The following GOLGA4 variants were observed in gnomAD, a reference collection of about 807,000 sequenced individuals.
GOLGA4 encodes golgin subfamily A member 4.
Under a neutral mutation model 265.9 loss-of-function variants are expected in GOLGA4, and 169 were observed. That is an observed-to-expected ratio of 0.64 (90% CI 0.56 to 0.72). The LOEUF is 0.72. Ranked by LOEUF, GOLGA4 falls within the 30% of genes least tolerant of loss-of-function variation. GOLGA4 has a pLI of 0.00. For synonymous variants in GOLGA4, 923 were observed against 855.8 expected, an observed-to-expected ratio of 1.08 and a Z score of -1.37; for missense variants, 2,482 against 2,483.4, an observed-to-expected ratio of 1.00 and a Z score of 0.01.
intron 3 of GOLGA4, among the ~76,000 whole-genome samples, chr3:37,283,486 T>C (rs1457786243): frequency 6.6e-6 from 1 of 152,232 alleles, no homozygotes; most frequent in African/African-American, 2.4e-5. Flanking sequence ...AAGTAGTATT[T>C]ACGTATGCTA....
At chr3:37,353,543 A>G (rs958167674) in intron 21 of GOLGA4, among the ~76,000 whole-genome samples, 4 of 151,942 alleles carry the variant, frequency 2.6e-5, no homozygotes, top group Admixed American at 6.6e-5. Flanking sequence ...TATGTATGTT[A>G]TTGTTGTTGT....
intron 21 of GOLGA4, among the ~76,000 whole-genome samples, chr3:37,349,471 G>A (rs1278314859): frequency 6.6e-6 from 1 of 152,140 alleles, no homozygotes; most frequent in Non-Finnish European, 1.5e-5. Context: ...GTTTCAGGCA[G>A]GAAACATAGT....
chr3:37,354,647 G>GCATGTT (rs2097085358), intron 21 of GOLGA4, among the ~76,000 whole-genome samples: 1 of 152,066 alleles, frequency 6.6e-6, no homozygotes, highest in East Asian at 1.9e-4. Flanking sequence ...TACCTACTGA[G>GCATGTT]CATGTTCATG....
At chr3:37,352,986 T>C (rs1425797453) in intron 21 of GOLGA4, among the ~76,000 whole-genome samples, 1 of 152,106 alleles carries the variant, frequency 6.6e-6, no homozygotes, top group African/African-American at 2.4e-5. Context: ...ACTTGCATAC[T>C]TACAGACCAT....
At chr3:37,272,555 A>T (rs184455024) in intron 2 of GOLGA4, among the ~76,000 whole-genome samples, 151 of 152,316 alleles carry the variant, frequency 9.9e-4, no homozygotes, top group Admixed American at 2.3e-3. Context: ...AGGATTAAAA[A>T]ATTTTAGCCA....
chr3:37,309,279 G>T (rs939741839), intron 10 of GOLGA4, among the ~76,000 whole-genome samples: 7 of 150,482 alleles, frequency 4.7e-5, no homozygotes, highest in Non-Finnish European at 8.9e-5. Context: ...TTATAGGCCG[G>T]GCGTGATGGC....
intron 23 of GOLGA4, among the ~76,000 whole-genome samples, chr3:37,361,538 GA>G (rs1185447493): frequency 6.6e-6 from 1 of 152,130 alleles, no homozygotes; most frequent in Non-Finnish European, 1.5e-5. Context: ...AAGAGTAATT[GA>G]AAGTTTGAAA....
chr3:37,264,377 C>A (rs1373022667), intron 2 of GOLGA4, among the ~76,000 whole-genome samples: 1 of 151,914 alleles, frequency 6.6e-6, no homozygotes, highest in Non-Finnish European at 1.5e-5. Flanking sequence ...TACCCTAGAG[C>A]CAAAGAGGCA....
intron 2 of GOLGA4, among the ~76,000 whole-genome samples, chr3:37,270,582 C>A (rs1578427816): frequency 6.6e-6 from 1 of 152,124 alleles, no homozygotes; most frequent in African/African-American, 2.4e-5. Context: ...AGAATATGGA[C>A]TCTTGCTGTT....
intron 2 of GOLGA4, chr3:37,275,780 G>A: frequency 6.2e-7 from 1 of 1,613,582 alleles, no homozygotes; most frequent in Non-Finnish European, 8.5e-7. Context: ...TTTGCTAAAG[G>A]AGCTTAAGAA....
At chr3:37,299,149 T>A in intron 8 of GOLGA4, 129 bp downstream of exon 8, 1 of 933,810 alleles carries the variant, frequency 1.1e-6, no homozygotes. Flanking sequence ...CTGGCCTACA[T>A]AACACCAAAC....
At chr3:37,335,192 CAT>C (rs764820028) in intron 17 of GOLGA4, 26 bp downstream of exon 17, 29 of 1,188,852 alleles carry the variant, frequency 2.4e-5, no homozygotes, top group Middle Eastern at 2.1e-4. Context: ...GTTTGCTGCA[CAT>C]GTTTCTTGAA....
rs775321886 is a variant in GOLGA4, at chr3:37,326,681, G to A, written c.4795G>A (p.Ala1599Thr). ...TGAAAACCAAGTTTATTCCATGAAAGCTGAACTTGAAACTAAGAAGAAAGA... is the reference window on the plus strand; with the variant it reads ...TGAAAACCAAGTTTATTCCATGAAAACTGAACTTGAAACTAAGAAGAAAGA... ...TLENQVYSMK[A>T]ELETKKKELE... Residue 1599 changes from alanine (A) to threonine (T), a missense_variant, in exon 14 of 24, where the codon GCT becomes ACT. Ala to Thr is a moderately conservative substitution (Grantham distance 58, BLOSUM62 0). Around this residue, in one of 3 missense-constraint regions of GOLGA4, gnomAD observed 942 missense variants for 983.1 expected, o/e 0.96. Coordinates refer to ENST00000361924, the MANE Select transcript of GOLGA4 (RefSeq NM_002078.5). 32 of 1,612,040 alleles carry A rather than the reference G, an allele frequency of 2.0e-5. No individual in the cohort carries two copies. The highest frequency in any genetic ancestry group is 8.4e-5 in the Admixed American group (5 of 59,780).
At chr3:37,323,408 T>G (rs11721021) in intron 13 of GOLGA4, among the ~76,000 whole-genome samples, 180 bp from the exon 14 acceptor site, 59,799 of 151,988 alleles carry the variant, frequency 0.39, 12,337 homozygotes, top group Non-Finnish European at 0.43. Context: ...GACTGTGCCT[T>G]GCCATAATCT....
intron 2 of GOLGA4, chr3:37,275,603 G>A (rs959027268): frequency 1.2e-5 from 17 of 1,452,962 alleles, no homozygotes; most frequent in East Asian, 2.3e-5. Context: ...GTTGCTGCGC[G>A]CCGGGGGTCG....
intron 22 of GOLGA4, among the ~76,000 whole-genome samples, chr3:37,357,653 T>C (rs1236644869): frequency 6.6e-6 from 1 of 152,144 alleles, no homozygotes; most frequent in African/African-American, 2.4e-5. Flanking sequence ...ATAAGAAAGT[T>C]GAAGCAAGAG....
intron 11 of GOLGA4, among the ~76,000 whole-genome samples, chr3:37,317,732 A>G (rs2096941873): frequency 6.6e-6 from 1 of 151,942 alleles, no homozygotes; most frequent in Non-Finnish European, 1.5e-5. Flanking sequence ...TATGATAAAT[A>G]TTTTTTTCTA....
At chr3:37,245,271 A>C (rs2096715859) in intron 1 of GOLGA4, 1 of 152,656 alleles carries the variant, frequency 6.6e-6, no homozygotes, top group African/African-American at 2.4e-5. Context: ...TAAACCTGTG[A>C]GGTAGATAAT....
intron 5 of GOLGA4, among the ~76,000 whole-genome samples, chr3:37,292,169 G>GT (rs563143295): frequency 1.7e-3 from 265 of 151,894 alleles, no homozygotes; most frequent in African/African-American, 4.1e-3. Context: ...TTTTTGGTTT[G>GT]TTTTTTTTGT....
Sources: gnomAD v4.1 joint callset for allele counts (sites outside exome capture counted in the v4.1 genomes callset) on GRCh38, gnomAD v4.1.1 for gene constraint, gnomAD v4.1.1 regional missense constraint, MANE v1.5 for transcripts, NCBI Gene and HGNC (gene_info 2026-07-23, HGNC 2026-07-21) for gene names.